The following RBFOX3 variants were observed in gnomAD, a reference collection of about 807,000 sequenced individuals.
RBFOX3 encodes RNA binding protein fox-1 homolog 3.
A neutral mutation model predicts 48.7 loss-of-function variants in RBFOX3; 17 were observed. That is an observed-to-expected ratio of 0.35 (90% CI 0.24 to 0.52). The LOEUF (loss-of-function observed/expected upper bound fraction) is 0.52. Ranked by LOEUF, RBFOX3 falls within the 20% of genes least tolerant of loss-of-function variation. RBFOX3 has a pLI of 0.94. For missense variants in RBFOX3, 382 were observed against 497.5 expected (o/e 0.77, Z 2.21); for synonymous variants, 212 against 209.5 (o/e 1.01, Z -0.10).
chr17:79,288,821 A>G (rs2072603151), intron 3 of RBFOX3, among the ~76,000 whole-genome samples: 1 of 151,888 alleles, frequency 6.6e-6, no homozygotes, highest in Non-Finnish European at 1.5e-5. Context: ...AACCTCTCTG[A>G]TTTCAGAGTT....
rs1362150832 is a variant in RBFOX3 at position 79,443,536 on chromosome 17, C to G, written c.-175+38918G>C. ...TAGCTGGGATTATAGGCACCTGACA[C>G]CACTCCCGGCTAATTTTTGTATTTT... is the stretch of plus-strand genomic sequence containing the variant. On this transcript the variant is annotated intron_variant, in intron 2 of 14. Transcript: ENST00000693108. This position sits in a 1 kb window ranked among gnomAD's most constrained non-coding sequence, Gnocchi z 4.4. Among the ~76,000 whole-genome samples, 2 of 152,160 alleles carry G rather than the reference C, an allele frequency of 1.3e-5. No homozygotes were observed. Among genetic ancestry groups the G allele is most frequent in the Non-Finnish European group, 2.9e-5 (2 of 68,036 alleles).
At chr17:79,430,639 G>A (rs1555727967) in intron 2 of RBFOX3, among the ~76,000 whole-genome samples, 1 of 152,198 alleles carries the variant, frequency 6.6e-6, no homozygotes, top group Non-Finnish European at 1.5e-5. Context: ...ACCGCCTCCG[G>A]GTTCAAGCGA....
chr17:79,156,594 C>T (rs1568245227), intron 4 of RBFOX3, among the ~76,000 whole-genome samples: 1 of 152,234 alleles, frequency 6.6e-6, no homozygotes, highest in East Asian at 1.9e-4. Context: ...TGGGCCAAAT[C>T]TGGCCCGCTG....
chr17:79,372,721 T>A (rs2058724912), intron 2 of RBFOX3, among the ~76,000 whole-genome samples: 1 of 151,864 alleles, frequency 6.6e-6, no homozygotes, highest in South Asian at 2.1e-4. Context: ...TTAACCCTTC[T>A]CATGCTCCAG....
At chr17:79,269,954 T>C (rs2143607318) in intron 3 of RBFOX3, among the ~76,000 whole-genome samples, 1 of 152,168 alleles carries the variant, frequency 6.6e-6, no homozygotes, top group African/African-American at 2.4e-5. Flanking sequence ...GCATCTGGGG[T>C]GGGGACGCCA....
rs1350721720 is a variant in RBFOX3, at chr17:79,302,867, TAGAC to T, written c.-74+4853_-74+4856del. 5.9e-5 allele frequency among the ~76,000 whole-genome samples: 9 copies of T among 152,152 alleles called. No individual in the cohort carries two copies. The East Asian group carries it at 1.7e-3, about 29-fold the overall frequency. On this transcript the variant is annotated intron_variant, in intron 3 of 14. Transcript: ENST00000693108. ...TGGAGTGATGGAAATGTTTTGGAAT[TAGAC>T]AGAGGTGGTGAATGTACTCAATGCC...
chr17:79,442,362 G>GGA lies in RBFOX3; in HGVS notation c.-175+40090_-175+40091dup, dbSNP rs1188141711. On this transcript the variant is annotated intron_variant, in intron 2 of 14. Transcript: ENST00000693108. Reference sequence around the variant, plus strand: ...GAGGGAGGGAGGGAGGAAGAGGGGGGGAGAGAGAGAGAGAGAGAGAGAGAG... The same window carrying GGA: ...GAGGGAGGGAGGGAGGAAGAGGGGGGGAGAGAGAGAGAGAGAGAGAGAGAGAG... 7.1e-3 allele frequency among the ~76,000 whole-genome samples: 53 copies of GGA among 7,448 alleles called. 2 individuals carry two copies. Among genetic ancestry groups the GGA allele is most frequent in the African/African-American group, 0.031 (36 of 1,166 alleles). The allele number at this position is 7,448 out of a possible 152,430, so 4.9% of individuals were successfully genotyped here.
chr17:79,657,973 C>T, the RBFOX3 span, among the ~76,000 whole-genome samples: 11 of 152,222 alleles, frequency 7.2e-5, no homozygotes, highest in South Asian at 2.1e-4. Context: ...CAAGACGAAA[C>T]GACCCCAGGC....
chr17:79,372,068 C>T (rs1239235690), intron 2 of RBFOX3, among the ~76,000 whole-genome samples: 1 of 152,076 alleles, frequency 6.6e-6, no homozygotes, highest in East Asian at 1.9e-4. Context: ...TTGGGCCTAG[C>T]ACGGTGAATG....
At position 79,209,061 on chromosome 17, in the gene RBFOX3, C is replaced by T. The variant is rs894022492; in HGVS notation, c.-34+26705G>A. On this transcript the variant is annotated intron_variant, in intron 4 of 14. Transcript: ENST00000693108. Reference sequence around the variant, plus strand: ...GTCTCGATCTCCTGACCTTGTGATCCGCCTGCCTCGGCCTCCCAAAGTGCT... The same window carrying T: ...GTCTCGATCTCCTGACCTTGTGATCTGCCTGCCTCGGCCTCCCAAAGTGCT... 7.2e-5 allele frequency among the ~76,000 whole-genome samples: 11 copies of T among 152,238 alleles called. No individual in the cohort carries two copies. The Middle Eastern group carries it at 0.01, about 141-fold the overall frequency.
At chr17:79,611,865 G>A (rs1300518684), upstream of RBFOX3, among the ~76,000 whole-genome samples, 3 of 152,188 alleles carry the variant, frequency 2.0e-5, no homozygotes, top group Non-Finnish European at 2.9e-5. Context: ...TGGCTGGAGA[G>A]GAAGGACTGT....
At chr17:79,217,103 C>T (rs1373294572) in intron 4 of RBFOX3, among the ~76,000 whole-genome samples, 2 of 152,212 alleles carry the variant, frequency 1.3e-5, no homozygotes, top group African/African-American at 4.8e-5. Flanking sequence ...CCCCTCCCCG[C>T]ACGGCCAAGC....
At chr17:79,372,868 T>C (rs1168258049) in intron 2 of RBFOX3, among the ~76,000 whole-genome samples, 1 of 152,212 alleles carries the variant, frequency 6.6e-6, no homozygotes, top group East Asian at 1.9e-4. Flanking sequence ...AGTCTGTTCC[T>C]GAGATTTTTC....
Position 79,249,840 on chromosome 17 carries a change from G to A in RBFOX3, c.-73-14035C>T, listed in dbSNP as rs1294688092. The stretch of plus-strand genomic sequence containing the variant: ...ATCTGTCCCTAGATAGGCTTCTTCT[G>A]CCATGCCAGTCATTTCTGTATCTGT... On this transcript the variant is annotated intron_variant, in intron 3 of 14. Transcript: ENST00000693108. The surrounding 1 kb of genome is among the most constrained non-coding windows in gnomAD (Gnocchi z 4.1). Among the ~76,000 whole-genome samples the A allele has an allele frequency of 2.6e-5, 4 of 152,028 alleles. No homozygotes were observed. The highest frequency in any genetic ancestry group is 9.7e-5 in the African/African-American group (4 of 41,398).
intron 2 of RBFOX3, among the ~76,000 whole-genome samples, chr17:79,381,791 C>CTT (rs2059957814): frequency 6.6e-6 from 1 of 152,194 alleles, no homozygotes. Flanking sequence ...CAGCGCCTTC[C>CTT]TTTCCCATCT....
At chr17:79,175,259 C>A (rs552562809) in intron 4 of RBFOX3, among the ~76,000 whole-genome samples, 1 of 152,266 alleles carries the variant, frequency 6.6e-6, no homozygotes, top group Non-Finnish European at 1.5e-5. Context: ...CATTTCCCAA[C>A]TGGCATCCTC....
At chr17:79,620,555 ATGTGCACACC>A in the RBFOX3 span, among the ~76,000 whole-genome samples, 1 of 147,180 alleles carries the variant, frequency 6.8e-6, no homozygotes, top group African/African-American at 2.5e-5. Flanking sequence ...GCATGCACAC[ATGTGCACACC>A]CGCGCGTGCA....
intron 2 of RBFOX3, among the ~76,000 whole-genome samples, chr17:79,375,535 C>T (rs145062397): frequency 3.6e-4 from 55 of 152,250 alleles, no homozygotes; most frequent in Middle Eastern, 6.8e-3. Flanking sequence ...GAGGGAGCAG[C>T]GTTCTGGGAG....
chr17:79,627,956 G>GC, the RBFOX3 span, among the ~76,000 whole-genome samples: 2 of 147,918 alleles, frequency 1.4e-5, no homozygotes, highest in Admixed American at 1.4e-4. Flanking sequence ...CTCTGTTTGA[G>GC]CCCCCATCAC....
Sources: allele counts gnomAD v4.1 joint callset (sites outside exome capture counted in the v4.1 genomes callset), GRCh38; gene constraint gnomAD v4.1.1; non-coding constraint Gnocchi (gnomAD v3.1); transcripts MANE v1.5; gene names NCBI Gene and HGNC (gene_info 2026-07-23, HGNC 2026-07-21).